The following PACRG variants were observed in gnomAD, a reference collection of about 807,000 sequenced individuals.
PACRG encodes the protein parkin coregulated, also known as parkin coregulated gene protein.
PACRG carries 29 observed loss-of-function variants against 29.7 expected under a neutral mutation model. The observed-to-expected ratio is 0.98, with a 90% CI of 0.73 to 1.33. The LOEUF is 1.33. PACRG is among the 40% of genes most tolerant of loss of function. The probability of loss-of-function intolerance (pLI) is 0.00; values close to 1 mark genes in which losing one functional copy is unlikely to be tolerated. For synonymous variants in PACRG, 116 were observed against 118.7 expected (o/e 0.98, Z 0.15); for missense variants, 279 against 316.2 (o/e 0.88, Z 0.89).
chr6:162,772,232 G>T (rs995508321), intron 1 of PACRG, among the ~76,000 whole-genome samples: 1 of 152,024 alleles, frequency 6.6e-6, no homozygotes, highest in Non-Finnish European at 1.5e-5. Context: ...TAAAATAATA[G>T]AAATTATTTT....
chr6:163,269,593 CA>C (rs1486565954), intron 4 of PACRG, among the ~76,000 whole-genome samples: 2 of 151,874 alleles, frequency 1.3e-5, no homozygotes, highest in African/African-American at 4.8e-5. Context: ...TTCTTGTGAG[CA>C]AAAAACTCAA....
chr6:162,942,272 T>G (rs1798686550), intron 2 of PACRG, among the ~76,000 whole-genome samples: 1 of 152,198 alleles, frequency 6.6e-6, no homozygotes, highest in South Asian at 2.1e-4. Context: ...AGGATTATTT[T>G]TCAGTTTGTG....
Position 163,003,923 on chromosome 6 carries a change from A to C in PACRG, c.292-58227A>C, listed in dbSNP as rs1804802474. Among the ~76,000 whole-genome samples the C allele has an allele frequency of 1.3e-5, 2 of 152,210 alleles. 1 individual carries two copies. The highest frequency in any genetic ancestry group is 4.1e-4 in the South Asian group (2 of 4,832). On this transcript the variant is annotated intron_variant, in intron 2 of 4. Coordinates refer to ENST00000366888, the MANE Select transcript of PACRG (RefSeq NM_001080379.2). ...AAAGAGCAGAACAGAGATTCAAATT[A>C]GATCCACTTGATCGCACTATGCATG...
intron 1 of PACRG, among the ~76,000 whole-genome samples, chr6:162,782,889 C>G (rs1382716325): frequency 6.6e-6 from 1 of 151,772 alleles, no homozygotes; most frequent in African/African-American, 2.4e-5. Flanking sequence ...TAACATAATT[C>G]TTACAACTTG....
At chr6:163,288,567 T>C (rs889497046) in intron 4 of PACRG, among the ~76,000 whole-genome samples, 2 of 152,246 alleles carry the variant, frequency 1.3e-5, no homozygotes, top group African/African-American at 4.8e-5. Flanking sequence ...TACCTTTGAA[T>C]GGGAACTAAT....
At chr6:163,291,205 C>A (rs1028365513) in intron 4 of PACRG, among the ~76,000 whole-genome samples, 3 of 142,324 alleles carry the variant, frequency 2.1e-5, no homozygotes, top group African/African-American at 8.2e-5. Flanking sequence ...CTGCGGGTCA[C>A]CCTGCAAGAT....
chr6:163,189,623 A>G (rs1384777356), intron 4 of PACRG: 2 of 152,188 alleles, frequency 1.3e-5, no homozygotes, highest in African/African-American at 2.4e-5. Context: ...ACAGCAACAT[A>G]CTCCATTTTG....
intron 4 of PACRG, among the ~76,000 whole-genome samples, chr6:163,134,636 T>C (rs1046998472): frequency 1.3e-5 from 2 of 152,216 alleles, no homozygotes; most frequent in African/African-American, 4.8e-5. Context: ...ACATCTTAAT[T>C]GGAAGGTGCA....
intron 4 of PACRG, among the ~76,000 whole-genome samples, chr6:163,284,766 C>A (rs1268315747): frequency 1.3e-5 from 2 of 151,900 alleles, no homozygotes; most frequent in Non-Finnish European, 1.5e-5. Context: ...AAGGCAAATT[C>A]CTGCCCTTCT....
chr6:163,126,624 A>G (rs765997219), intron 4 of PACRG, among the ~76,000 whole-genome samples: 1 of 152,232 alleles, frequency 6.6e-6, no homozygotes, highest in Non-Finnish European at 1.5e-5. Flanking sequence ...AAAGAAAGCA[A>G]TGGCGAAAGA....
At chr6:162,989,081 T>C (rs893813274) in intron 2 of PACRG, among the ~76,000 whole-genome samples, 2 of 152,140 alleles carry the variant, frequency 1.3e-5, no homozygotes, top group African/African-American at 4.8e-5. Flanking sequence ...TGGCAAGACA[T>C]GAACCAAGCA....
chr6:163,056,887 C>T (rs968010704), intron 2 of PACRG, among the ~76,000 whole-genome samples: 3 of 152,088 alleles, frequency 2.0e-5, no homozygotes. Flanking sequence ...TTAGAGAGAG[C>T]GCTTGATGTT....
rs1562623541 is a variant in PACRG at position 162,814,135 on chromosome 6, T to TTC, written c.157-11_157-10insCT. On this transcript the variant is annotated splice_polypyrimidine_tract_variant and intron_variant, in intron 1 of 4. Coordinates refer to ENST00000366888, the MANE Select transcript of PACRG (RefSeq NM_001080379.2). ...TTAAAACCTGATCCCTATTTTTTTT[T>TTC]TTCCAATTAAGGTGAGAGGCCCTCC... The TTC allele has an allele frequency of 8.2e-6, 13 of 1,593,144 alleles. No individual in the cohort carries two copies. The highest frequency in any genetic ancestry group is 3.6e-5 in the Admixed American group (2 of 54,896).
chr6:163,252,509 T>C (rs1782949037), intron 4 of PACRG, among the ~76,000 whole-genome samples: 1 of 152,080 alleles, frequency 6.6e-6, no homozygotes, highest in South Asian at 2.1e-4. Flanking sequence ...ACGCTTGAGG[T>C]AGGCGCTGAT....
At chr6:163,200,576 G>A (rs577055111) in intron 4 of PACRG, among the ~76,000 whole-genome samples, 3 of 152,182 alleles carry the variant, frequency 2.0e-5, no homozygotes, top group East Asian at 3.9e-4. Context: ...ATTGAATTTC[G>A]TGAGCAGCAT....
chr6:163,063,500 T>C lies in PACRG; in HGVS notation c.463+1179T>C, dbSNP rs151089656. Among the ~76,000 whole-genome samples, 155 of 152,306 alleles carry C rather than the reference T, an allele frequency of 1.0e-3. 2 individuals carry two copies. The East Asian group carries it at 0.013, about 13-fold the overall frequency. ...AACAAACTAGCTCAACATAGGGTCA[T>C]CTCCCAGAGTCTGGATTATTTAATC... On this transcript the variant is annotated intron_variant, in intron 3 of 4. Coordinates refer to ENST00000366888, the MANE Select transcript of PACRG (RefSeq NM_001080379.2).
chr6:163,196,944 T>A (rs139665836), intron 4 of PACRG, among the ~76,000 whole-genome samples: 1 of 149,072 alleles, frequency 6.7e-6, no homozygotes, highest in Non-Finnish European at 1.5e-5. Flanking sequence ...GATAGATAGA[T>A]AGATAGATAG....
intron 4 of PACRG, among the ~76,000 whole-genome samples, chr6:163,239,884 TGACA>T (rs1782409378): frequency 1.6e-5 from 2 of 124,932 alleles, no homozygotes; most frequent in Non-Finnish European, 1.6e-5. Context: ...ACACACACTC[TGACA>T]CACACTCACA....
At chr6:163,037,547 G>A (rs1423463486) in intron 2 of PACRG, among the ~76,000 whole-genome samples, 4 of 152,232 alleles carry the variant, frequency 2.6e-5, no homozygotes, top group Non-Finnish European at 4.4e-5. Context: ...CTCCTGAGCT[G>A]CATCTGCCAT....
Sources: allele counts gnomAD v4.1 joint callset (sites outside exome capture counted in the v4.1 genomes callset), GRCh38; gene constraint gnomAD v4.1.1; transcripts MANE v1.5; gene names NCBI Gene and HGNC (gene_info 2026-07-23, HGNC 2026-07-21).